The following KITLG variants were observed in gnomAD, a reference collection of about 807,000 sequenced individuals.
The protein encoded by KITLG is c-Kit ligand.
KITLG carries 13 observed loss-of-function variants against 34.1 expected under a neutral mutation model. The observed-to-expected ratio is 0.38, with a 90% CI of 0.25 to 0.61. KITLG has a LOEUF of 0.61. Among genes scored for constraint, KITLG ranks in the 20% least tolerant of loss-of-function variants. KITLG has a pLI of 0.60. For missense variants in KITLG, 292 were observed against 318.9 expected (o/e 0.92, Z 0.64); for synonymous variants, 110 against 104.0 (o/e 1.06, Z -0.35).
chr12:88,529,504 T>C (rs1360108435), intron 3 of KITLG, among the ~76,000 whole-genome samples: 2 of 152,228 alleles, frequency 1.3e-5, no homozygotes, highest in Non-Finnish European at 2.9e-5. Flanking sequence ...AGAAGGACCT[T>C]GGAAAAGTGA....
At chr12:88,562,274 G>C (rs529860677) in intron 1 of KITLG, among the ~76,000 whole-genome samples, 1 of 152,308 alleles carries the variant, frequency 6.6e-6, no homozygotes, top group South Asian at 2.1e-4. Context: ...TATCTAAATT[G>C]TGTTACTAGA....
At chr12:88,560,865 G>C (rs1165827846) in intron 1 of KITLG, among the ~76,000 whole-genome samples, 3 of 151,732 alleles carry the variant, frequency 2.0e-5, no homozygotes, top group African/African-American at 7.3e-5. Flanking sequence ...CTACCTGGGG[G>C]GCTGAGGCAG....
chr12:88,518,429 A>C (rs1345225623), intron 4 of KITLG, among the ~76,000 whole-genome samples: 1 of 152,214 alleles, frequency 6.6e-6, no homozygotes, highest in East Asian at 1.9e-4. Context: ...AAGAATAAAG[A>C]TAAAGGCAGG....
chr12:88,573,227 C>T (rs570633973), intron 1 of KITLG, among the ~76,000 whole-genome samples: 2 of 152,262 alleles, frequency 1.3e-5, no homozygotes, highest in South Asian at 4.1e-4. Context: ...ACAGCCAGTA[C>T]ATCGATATGG....
At chr12:88,511,788 G>A (rs769954724) in intron 6 of KITLG, among the ~76,000 whole-genome samples, 2 of 152,124 alleles carry the variant, frequency 1.3e-5, no homozygotes, top group Non-Finnish European at 2.9e-5. Flanking sequence ...GAGATTTTCT[G>A]AGCACTTTAC....
Position 88,495,135 on chromosome 12 carries a change from A to G in KITLG, c.*2084T>C, listed in dbSNP as rs150979182. On this transcript the variant is annotated 3_prime_UTR_variant, in exon 10 of 10. Coordinates refer to ENST00000644744, the MANE Select transcript of KITLG (RefSeq NM_000899.5). Reference sequence around the variant, plus strand: ...TGTTTATTTAACTCCATTGATTAAGACCATGTCCATGAGTGTTAAAACCCA... The same window carrying G: ...TGTTTATTTAACTCCATTGATTAAGGCCATGTCCATGAGTGTTAAAACCCA... 2.2e-4 allele frequency: 33 copies of G among 152,108 alleles called. No individual in the cohort carries two copies. In the East Asian group the frequency reaches 6.4e-3, roughly 29 times the overall value. 9.4% of individuals were successfully genotyped at this position (152,108 alleles called of 1,614,324 possible).
In KITLG at chr12:88,508,217, G is replaced by A. The variant is rs993633276; in HGVS notation, c.605-1080C>T. On this transcript the variant is annotated intron_variant, in intron 6 of 9. Transcript: ENST00000644744. ...AAAAAAAAGGAGCAGAATGATTCAC[G>A]AATTAAATAAACAAAACACATCTCC... Among the ~76,000 whole-genome samples, 5 of 151,014 alleles carry A rather than the reference G, an allele frequency of 3.3e-5. 1 individual carries two copies. The highest frequency in any genetic ancestry group is 6.9e-3 in the Middle Eastern group (2 of 288).
intron 1 of KITLG, among the ~76,000 whole-genome samples, chr12:88,574,426 G>C (rs1871764498): frequency 6.6e-6 from 1 of 152,192 alleles, no homozygotes; most frequent in East Asian, 1.9e-4. Context: ...GCCAAGGAGA[G>C]ATTTGGCATA....
intron 1 of KITLG, among the ~76,000 whole-genome samples, chr12:88,577,928 C>G (rs577274729): frequency 7.5e-4 from 114 of 152,182 alleles, no homozygotes; most frequent in Non-Finnish European, 1.3e-3. Context: ...TAGGAGAGTA[C>G]AGAACAAGTT....
chr12:88,567,694 C>A (rs1212191586), intron 1 of KITLG, among the ~76,000 whole-genome samples: 2 of 152,170 alleles, frequency 1.3e-5, no homozygotes, highest in Non-Finnish European at 2.9e-5. Context: ...CCTTTGAATG[C>A]AAAACTGCAT....
At chr12:88,545,595 C>T (rs982097947) in intron 2 of KITLG, among the ~76,000 whole-genome samples, 157 bp downstream of exon 2, 1 of 152,156 alleles carries the variant, frequency 6.6e-6, no homozygotes, top group Non-Finnish European at 1.5e-5. Flanking sequence ...TCACTACCTG[C>T]TTTCTATAAA....
At chr12:88,520,531 C>T (rs1869619210) in intron 3 of KITLG, among the ~76,000 whole-genome samples, 1 of 152,124 alleles carries the variant, frequency 6.6e-6, no homozygotes, top group Admixed American at 6.6e-5. Flanking sequence ...GTATTAATCT[C>T]TTAGGACTCT....
At chr12:88,497,606 T>G (rs1868691363) in intron 9 of KITLG, among the ~76,000 whole-genome samples, 1 of 152,172 alleles carries the variant, frequency 6.6e-6, no homozygotes, top group Admixed American at 6.6e-5. Flanking sequence ...AATTATCAAC[T>G]TAGTTAGCTT....
At chr12:88,571,531 T>C (rs986951034) in intron 1 of KITLG, among the ~76,000 whole-genome samples, 1 of 152,222 alleles carries the variant, frequency 6.6e-6, no homozygotes. Flanking sequence ...TTGCCAGTCA[T>C]GCACCAAACA....
At chr12:88,574,607 C>G (rs897647787) in intron 1 of KITLG, among the ~76,000 whole-genome samples, 6 of 152,178 alleles carry the variant, frequency 3.9e-5, no homozygotes, top group African/African-American at 1.4e-4. Flanking sequence ...TGAGGCAGAG[C>G]AAAGGGTAGG....
intron 3 of KITLG, among the ~76,000 whole-genome samples, chr12:88,525,649 A>C (rs1869838125): frequency 6.6e-6 from 1 of 152,226 alleles, no homozygotes; most frequent in Non-Finnish European, 1.5e-5. Flanking sequence ...ACAAATATAT[A>C]ACACTTAAAA....
chr12:88,544,512 A>AG (rs55971049), intron 2 of KITLG, among the ~76,000 whole-genome samples: 59 of 25,436 alleles, frequency 2.3e-3, no homozygotes, highest in Non-Finnish European at 0.016. Context: ...GTATGTTTTT[A>AG]AAAAAAAAAA....
chr12:88,498,252 T>C (rs1047323859), intron 9 of KITLG, among the ~76,000 whole-genome samples: 1 of 152,170 alleles, frequency 6.6e-6, no homozygotes, highest in Non-Finnish European at 1.5e-5. Context: ...TTTTAAAGTA[T>C]TGAGATCATT....
intron 2 of KITLG, among the ~76,000 whole-genome samples, chr12:88,538,003 AT>A (rs1416940774): frequency 6.6e-6 from 1 of 152,140 alleles, no homozygotes; most frequent in Non-Finnish European, 1.5e-5. Flanking sequence ...TTCAGCCTAA[AT>A]TTTTACATGT....
Sources: gnomAD v4.1 joint callset for allele counts (sites outside exome capture counted in the v4.1 genomes callset) on GRCh38, gnomAD v4.1.1 for gene constraint, MANE v1.5 for transcripts, NCBI Gene and HGNC (gene_info 2026-07-23, HGNC 2026-07-21) for gene names.